Variants in KDM2B observed in about 807,000 individuals in gnomAD.
KDM2B encodes lysine demethylase 2B.
In KDM2B, 26 loss-of-function variants were observed where a neutral mutation model predicts 150.0. The observed-to-expected ratio is 0.17, with a 90% CI of 0.13 to 0.24. The LOEUF is 0.24. KDM2B is among the 10% of genes least tolerant of loss of function. The pLI is 1.00. For missense variants in KDM2B, 1,265 were observed against 1,816.9 expected (o/e 0.70, Z 5.52); for synonymous variants, 734 against 729.5 (o/e 1.01, Z -0.10).
chr12:121,581,965 C>T (rs1891982466), upstream of KDM2B, among the ~76,000 whole-genome samples: 1 of 152,176 alleles, frequency 6.6e-6, no homozygotes, highest in South Asian at 2.1e-4. Flanking sequence ...TGTTTTCATT[C>T]ATGTTCACTA....
the KDM2B span, chr12:121,415,342 C>A: frequency 2.7e-6 from 1 of 368,620 alleles, no homozygotes; most frequent in Non-Finnish European, 5.9e-6. Context: ...ATTTATGGGC[C>A]TGGCATAGTG....
intron 11 of KDM2B, among the ~76,000 whole-genome samples, chr12:121,501,286 C>T (rs1884517697): frequency 6.6e-6 from 1 of 151,748 alleles, no homozygotes; most frequent in South Asian, 2.1e-4. Flanking sequence ...GGCTGAGGCA[C>T]GAGAATTGCT....
intron 12 of KDM2B, among the ~76,000 whole-genome samples, chr12:121,493,324 C>T (rs1337742212): frequency 6.6e-6 from 1 of 151,968 alleles, no homozygotes. Context: ...TCAGGTCAGC[C>T]CTTGTCTGAA....
At chr12:121,480,318 C>G (rs184669486) in intron 12 of KDM2B, among the ~76,000 whole-genome samples, 1 of 151,760 alleles carries the variant, frequency 6.6e-6, no homozygotes, top group Non-Finnish European at 1.5e-5. Flanking sequence ...GTTGCAAGAA[C>G]TAAAGAACAA....
chr12:121,572,458 G>A (rs1018025561), intron 4 of KDM2B, among the ~76,000 whole-genome samples: 2 of 152,068 alleles, frequency 1.3e-5, no homozygotes, highest in South Asian at 2.1e-4. Flanking sequence ...CTTCCCTTGT[G>A]CCCTTGCTCT....
chr12:121,417,951 C>G, the KDM2B span: 80 of 1,590,670 alleles, frequency 5.0e-5, no homozygotes, highest in Non-Finnish European at 6.6e-5. The surrounding 1 kb of genome is among the most constrained non-coding windows in gnomAD (Gnocchi z 5.0). Context: ...GCCCGGCACG[C>G]TTATTCTTGG....
At chr12:121,539,959 C>T (rs1034617784) in intron 6 of KDM2B, among the ~76,000 whole-genome samples, 1 of 152,050 alleles carries the variant, frequency 6.6e-6, no homozygotes. Flanking sequence ...AGGCTGCTCT[C>T]GAACTCCTGG....
chr12:121,416,027 G>A, the KDM2B span: 1 of 645,370 alleles, frequency 1.5e-6, no homozygotes. Context: ...TGAAATTTCA[G>A]TGCCCAGAGG....
chr12:121,547,172 G>A (rs1308515354), intron 6 of KDM2B, among the ~76,000 whole-genome samples: 1 of 152,050 alleles, frequency 6.6e-6, no homozygotes, highest in African/African-American at 2.4e-5. Flanking sequence ...TTGTAGTCTT[G>A]TTCCTGTTTT....
Position 121,537,380 on chromosome 12 carries a change from G to C in KDM2B, c.684-2790C>G, listed in dbSNP as rs1215775981. 2 of 152,940 alleles carry C rather than the reference G, an allele frequency of 1.3e-5. No individual in the cohort carries two copies. Among genetic ancestry groups the C allele is most frequent in the Non-Finnish European group, 2.9e-5 (2 of 68,684 alleles). The allele number at this position is 152,940 out of a possible 1,614,324, so 9.5% of individuals were successfully genotyped here. A position where few individuals can be genotyped will look rare whatever the true frequency, so the allele number is the denominator to read the frequency against. On this transcript the variant is annotated intron_variant, in intron 6 of 22. Coordinates refer to ENST00000377071, the MANE Select transcript of KDM2B (RefSeq NM_032590.5). The surrounding 1 kb of genome is among the most constrained non-coding windows in gnomAD (Gnocchi z 8.7). ...CCCGGCTCGGTGCCACGGCCGCTAA[G>C]CTCTCCCCACGGCCAGCCGGCTAGC...
chr12:121,415,213 G>A, the KDM2B span: 1 of 225,172 alleles, frequency 4.4e-6, no homozygotes, highest in Non-Finnish European at 1.0e-5. Context: ...TCTAGAGAGA[G>A]TTTCAGTTGG....
At chr12:121,410,672 A>T in the KDM2B span, among the ~76,000 whole-genome samples, 2 of 150,588 alleles carry the variant, frequency 1.3e-5, no homozygotes, top group Non-Finnish European at 2.9e-5. Flanking sequence ...CCTCTCAGAG[A>T]TGATAACTAT....
chr12:121,561,880 A>G (rs2136264168), intron 4 of KDM2B, among the ~76,000 whole-genome samples: 1 of 152,366 alleles, frequency 6.6e-6, no homozygotes, highest in Non-Finnish European at 1.5e-5. Flanking sequence ...ATGATTTTAA[A>G]CCAACTTTAG....
At chr12:121,476,589 G>A (rs756245708) in intron 12 of KDM2B, among the ~76,000 whole-genome samples, 33 of 152,032 alleles carry the variant, frequency 2.2e-4, no homozygotes, top group Non-Finnish European at 4.0e-4. Flanking sequence ...CCTAAACCCC[G>A]GGATGTGTTA....
intron 22 of KDM2B, among the ~76,000 whole-genome samples, chr12:121,431,391 C>T (rs150709413): frequency 3.3e-5 from 5 of 150,110 alleles, no homozygotes; most frequent in East Asian, 2.0e-4. Flanking sequence ...TCATGTGATC[C>T]GCCCACCTCA....
chr12:121,461,273 G>A (rs748367841), intron 12 of KDM2B, among the ~76,000 whole-genome samples: 1 of 152,190 alleles, frequency 6.6e-6, no homozygotes, highest in Non-Finnish European at 1.5e-5. Flanking sequence ...CAAATAGCTC[G>A]ACACAGCTGC....
chr12:121,508,619 G>A (rs782349256), intron 11 of KDM2B, among the ~76,000 whole-genome samples: 13 of 152,162 alleles, frequency 8.5e-5, no homozygotes, highest in Non-Finnish European at 1.8e-4. Flanking sequence ...TACTAATGCT[G>A]AGACAAGAGG....
At chr12:121,444,750 C>T (rs908120672) in intron 14 of KDM2B, 1 of 592,346 alleles carries the variant, frequency 1.7e-6, no homozygotes, top group African/African-American at 1.9e-5. Context: ...AGCCCCTTTG[C>T]TTCTCTGGGA....
downstream of KDM2B, among the ~76,000 whole-genome samples, chr12:121,425,200 C>T (rs1376316119): frequency 6.6e-6 from 1 of 151,086 alleles, no homozygotes; most frequent in Non-Finnish European, 1.5e-5. Context: ...CCCAACTACT[C>T]AGGAGGCTGA....
Sources: allele counts gnomAD v4.1 joint callset (sites outside exome capture counted in the v4.1 genomes callset), GRCh38; gene constraint gnomAD v4.1.1; non-coding constraint Gnocchi (gnomAD v3.1); transcripts MANE v1.5; gene names NCBI Gene and HGNC (gene_info 2026-07-23, HGNC 2026-07-21).